AFG2A: variants seen among roughly 807,000 people sequenced by gnomAD.
The protein encoded by AFG2A is AAA ATPase AFG2A.
the AFG2A span, among the ~76,000 whole-genome samples, chr4:123,277,458 A>G: frequency 6.6e-6 from 1 of 152,146 alleles, no homozygotes; most frequent in African/African-American, 2.4e-5. Context: ...TCCTATTTGG[A>G]TATCTTATTT....
At chr4:123,023,779 C>T in the AFG2A span, among the ~76,000 whole-genome samples, 2 of 152,132 alleles carry the variant, frequency 1.3e-5, no homozygotes, top group East Asian at 1.9e-4. Context: ...GCTACAGCTT[C>T]AATATGATTA....
the AFG2A span, among the ~76,000 whole-genome samples, chr4:123,056,642 ACAT>A: frequency 8.5e-5 from 13 of 152,266 alleles, no homozygotes; most frequent in Admixed American, 3.3e-4. Context: ...TTGTTTTTAA[ACAT>A]CATATTACCA....
chr4:123,021,218 A>T, the AFG2A span, among the ~76,000 whole-genome samples: 5 of 144,836 alleles, frequency 3.5e-5, no homozygotes, highest in South Asian at 2.1e-4. Flanking sequence ...AGCTTTTTTT[A>T]AAAAAAAATT....
chr4:123,130,153 G>A, the AFG2A span, among the ~76,000 whole-genome samples: 1 of 149,060 alleles, frequency 6.7e-6, no homozygotes, highest in African/African-American at 2.4e-5. Flanking sequence ...GACTATAGGT[G>A]CAGGCCACAG....
At chr4:123,059,337 T>C in the AFG2A span, among the ~76,000 whole-genome samples, 3 of 124,598 alleles carry the variant, frequency 2.4e-5, no homozygotes, top group East Asian at 8.5e-4. Context: ...CCGAGTGTGA[T>C]GTTCCCCTTC....
At chr4:123,030,958 C>T in the AFG2A span, among the ~76,000 whole-genome samples, 1,841 of 152,162 alleles carry the variant, frequency 0.012, 42 homozygotes, top group African/African-American at 0.041. Context: ...ATGTACTATT[C>T]GTTCAACTCT....
the AFG2A span, among the ~76,000 whole-genome samples, chr4:123,258,558 C>CA: frequency 1.3e-5 from 2 of 152,182 alleles, no homozygotes; most frequent in African/African-American, 4.8e-5. Flanking sequence ...GCTGTAGACA[C>CA]AGCCATTTTC....
chr4:122,997,812 T>C, the AFG2A span, among the ~76,000 whole-genome samples: 1 of 152,174 alleles, frequency 6.6e-6, no homozygotes, highest in Admixed American at 6.6e-5. Context: ...CTTGTTATTA[T>C]TTATCTTTTT....
the AFG2A span, among the ~76,000 whole-genome samples, chr4:122,950,167 G>T: frequency 6.6e-6 from 1 of 152,194 alleles, no homozygotes; most frequent in Non-Finnish European, 1.5e-5. Flanking sequence ...CTGGTAAGCA[G>T]CGTGTCCACA....
At chr4:122,980,418 T>G in the AFG2A span, among the ~76,000 whole-genome samples, 3 of 152,346 alleles carry the variant, frequency 2.0e-5, no homozygotes, top group Admixed American at 2.0e-4. Context: ...TGAGGGACAC[T>G]TAGATTGATT....
At chr4:123,077,425 G>A in the AFG2A span, among the ~76,000 whole-genome samples, 1 of 152,248 alleles carries the variant, frequency 6.6e-6, no homozygotes, top group East Asian at 1.9e-4. Context: ...GAAAGATCTG[G>A]GGTTTTCTAC....
At chr4:123,153,807 A>G in the AFG2A span, among the ~76,000 whole-genome samples, 98 of 152,288 alleles carry the variant, frequency 6.4e-4, 1 homozygote, top group East Asian at 0.017. Context: ...AGTCAAATGG[A>G]AAAAGAAAAA....
the AFG2A span, among the ~76,000 whole-genome samples, chr4:123,305,779 G>A: frequency 3.3e-5 from 5 of 152,222 alleles, no homozygotes; most frequent in South Asian, 1.0e-3. Flanking sequence ...TTGCTAAGCT[G>A]AGCCACCTGT....
At chr4:123,053,673 G>T in the AFG2A span, among the ~76,000 whole-genome samples, 1 of 151,910 alleles carries the variant, frequency 6.6e-6, no homozygotes, top group African/African-American at 2.4e-5. Context: ...CAGCAGGTCC[G>T]TACATAGATG....
At chr4:122,951,973 T>C in the AFG2A span, among the ~76,000 whole-genome samples, 2 of 152,328 alleles carry the variant, frequency 1.3e-5, no homozygotes, top group African/African-American at 4.8e-5. Flanking sequence ...GCTATTAATG[T>C]GCTCCTTTGT....
At chr4:123,134,828 C>T in the AFG2A span, among the ~76,000 whole-genome samples, 10 of 151,952 alleles carry the variant, frequency 6.6e-5, no homozygotes, top group East Asian at 7.7e-4. Context: ...TTCTACCACA[C>T]GTTTAAAGAA....
the AFG2A span, among the ~76,000 whole-genome samples, chr4:123,220,846 G>A: frequency 2.2e-3 from 334 of 152,156 alleles, 2 homozygotes; most frequent in Middle Eastern, 0.014. Context: ...GGAGGCTCAG[G>A]TAGTCATAAT....
chr4:123,125,392 C>G, the AFG2A span, among the ~76,000 whole-genome samples: 3 of 152,144 alleles, frequency 2.0e-5, no homozygotes, highest in Non-Finnish European at 4.4e-5. Flanking sequence ...TAACTTGGCT[C>G]TATTATTATC....
the AFG2A span, among the ~76,000 whole-genome samples, chr4:123,246,190 C>T: frequency 1.1e-4 from 17 of 152,256 alleles, no homozygotes; most frequent in Non-Finnish European, 2.5e-4. Context: ...AATGGAGTGG[C>T]ATTGTCAAAA....
Sources: gnomAD v4.1 joint callset for allele counts (sites outside exome capture counted in the v4.1 genomes callset) on GRCh38, gnomAD v4.1.1 for gene constraint, MANE v1.5 for transcripts, NCBI Gene and HGNC (gene_info 2026-07-23, HGNC 2026-07-21) for gene names.